SMARCAD1: variants seen among roughly 807,000 people sequenced by gnomAD.
The protein encoded by SMARCAD1 is SNF2 related chromatin remodeling ATPase with DExD box 1.
Under a neutral mutation model 127.1 loss-of-function variants are expected in SMARCAD1, and 25 were observed. That is an observed-to-expected ratio of 0.20 (90% CI 0.14 to 0.27). SMARCAD1 has a LOEUF of 0.27. Among genes scored for constraint, SMARCAD1 ranks in the 10% least tolerant of loss-of-function variants. The pLI is 1.00. For missense variants in SMARCAD1, 807 were observed against 1,206.0 expected, an observed-to-expected ratio of 0.67 and a Z score of 4.90; for synonymous variants, 400 against 396.9, an observed-to-expected ratio of 1.01 and a Z score of -0.09.
At chr4:94,228,282 AGT>A (rs1339564069) in intron 3 of SMARCAD1, among the ~76,000 whole-genome samples, 1 of 152,154 alleles carries the variant, frequency 6.6e-6, no homozygotes, top group African/African-American at 2.4e-5. Flanking sequence ...CAACTCTCAC[AGT>A]CTTTTCAGAA....
chr4:94,258,614 C>CT (rs1210155182), intron 9 of SMARCAD1, among the ~76,000 whole-genome samples: 1 of 152,104 alleles, frequency 6.6e-6, no homozygotes, highest in Non-Finnish European at 1.5e-5. Flanking sequence ...GTGCATGCCA[C>CT]TTTTTTTATT....
intron 8 of SMARCAD1, among the ~76,000 whole-genome samples, chr4:94,252,062 G>A (rs1749360987): frequency 6.6e-6 from 1 of 152,112 alleles, no homozygotes; most frequent in Admixed American, 6.5e-5. Flanking sequence ...ATGTTGGTCA[G>A]GCTGGTCTCG....
Position 94,276,324 on chromosome 4 carries a change from T to G in SMARCAD1, c.1809-15T>G. On this transcript the variant is annotated splice_polypyrimidine_tract_variant and intron_variant, in intron 14 of 23. Coordinates refer to ENST00000354268, the MANE Select transcript of SMARCAD1 (RefSeq NM_020159.5). ...AAAGGTATAACCTTAGAGATGTTTT[T>G]TCTTTTGGTGACAGATATAACTGTG... 9.9e-6 allele frequency: 16 copies of G among 1,614,034 alleles called. No homozygotes were observed. The highest frequency in any genetic ancestry group is 1.4e-5 in the Non-Finnish European group (16 of 1,179,970).
intron 10 of SMARCAD1, among the ~76,000 whole-genome samples, chr4:94,266,499 T>C (rs907829916): frequency 6.6e-6 from 1 of 152,120 alleles, no homozygotes; most frequent in Admixed American, 6.6e-5. Context: ...CCTATATGGA[T>C]AGTCTCTTTA....
In SMARCAD1 at chr4:94,260,901, A is replaced by G. The variant is rs376130325; in HGVS notation, c.1282-3806A>G. 3.9e-4 allele frequency among the ~76,000 whole-genome samples: 59 copies of G among 152,332 alleles called. 2 individuals are homozygous for G. In the South Asian group the frequency reaches 0.012, roughly 30 times the overall value. ...AAATTTTTTTAATAAATAAAAAGAC[A>G]TCAAACTTAAATGTGTAAATTGGTA... On this transcript the variant is annotated intron_variant, in intron 9 of 23. Transcript: ENST00000354268.
chr4:94,224,131 T>G (rs967308094), intron 2 of SMARCAD1, among the ~76,000 whole-genome samples: 3 of 152,192 alleles, frequency 2.0e-5, no homozygotes, highest in African/African-American at 7.2e-5. Flanking sequence ...TCTTCATGTT[T>G]ATGGCAATTA....
intron 2 of SMARCAD1, among the ~76,000 whole-genome samples, chr4:94,217,567 C>T (rs994714558): frequency 6.6e-6 from 1 of 152,100 alleles, no homozygotes; most frequent in Non-Finnish European, 1.5e-5. Context: ...TTAACATTTA[C>T]TTCTAATTTC....
intron 2 of SMARCAD1, among the ~76,000 whole-genome samples, chr4:94,223,026 T>A (rs2664880): frequency 0.55 from 83,438 of 151,880 alleles, 23,420 homozygotes; most frequent in East Asian, 0.72. Context: ...TACAGTCTGT[T>A]TAAGGGAGAA....
At chr4:94,211,322 G>A (rs1022499287) in intron 2 of SMARCAD1, among the ~76,000 whole-genome samples, 5 of 152,126 alleles carry the variant, frequency 3.3e-5, no homozygotes, top group Non-Finnish European at 7.4e-5. Context: ...GCCCCCAAGT[G>A]CTAATTTAGC....
chr4:94,219,206 T>C (rs907628334), intron 2 of SMARCAD1, among the ~76,000 whole-genome samples: 5 of 152,220 alleles, frequency 3.3e-5, no homozygotes, highest in South Asian at 2.1e-4. Context: ...TCTAAAGGAT[T>C]GAACAGTGTA....
At chr4:94,284,904 TA>T (rs777817951) in intron 22 of SMARCAD1, 55 bp from the exon 23 acceptor site, 15 of 1,017,062 alleles carry the variant, frequency 1.5e-5, no homozygotes, top group Admixed American at 3.6e-5. Flanking sequence ...ATAGTTTACA[TA>T]TATCCAAATA....
rs1755587153 is a variant in SMARCAD1, at chr4:94,290,818, C to G, written c.*1284C>G. Reference sequence around the variant, plus strand: ...ATTATAAATAAACTTATTTATAAATCAAAGATTTGTTAATTTTTGGAAATC... The same window carrying G: ...ATTATAAATAAACTTATTTATAAATGAAAGATTTGTTAATTTTTGGAAATC... On this transcript the variant is annotated 3_prime_UTR_variant, in exon 24 of 24. Transcript: ENST00000354268. 1 of 435,906 alleles carries G rather than the reference C, an allele frequency of 2.3e-6. No homozygotes were observed. The highest frequency in any genetic ancestry group is 2.5e-5 in the Admixed American group (1 of 40,248). 27.0% of individuals were successfully genotyped at this position (435,906 alleles called of 1,614,324 possible).
chr4:94,287,080 G>A (rs1342307717), intron 23 of SMARCAD1, among the ~76,000 whole-genome samples: 1 of 152,042 alleles, frequency 6.6e-6, no homozygotes, highest in African/African-American at 2.4e-5. Context: ...TAGCCAGGAT[G>A]GTCTTGATCT....
chr4:94,270,141 A>C (rs34396188), intron 10 of SMARCAD1, among the ~76,000 whole-genome samples: 47,399 of 151,300 alleles, frequency 0.31, 8,701 homozygotes, highest in East Asian at 0.51. Context: ...AGTGAGTAGA[A>C]AGTAGCATGT....
chr4:94,272,728 G>A (rs1387544595), intron 11 of SMARCAD1, among the ~76,000 whole-genome samples: 1 of 152,068 alleles, frequency 6.6e-6, no homozygotes, highest in Non-Finnish European at 1.5e-5. Context: ...GTAGTCCGTG[G>A]TATAAATACA....
At chr4:94,237,098 C>G in intron 5 of SMARCAD1, 80 bp downstream of exon 5, 3 of 1,133,986 alleles carry the variant, frequency 2.6e-6, no homozygotes, top group Non-Finnish European at 4.0e-6. Context: ...TATTGCTCCA[C>G]AGTTTATCAA....
At chr4:94,273,552 G>A in intron 11 of SMARCAD1, 65 bp from the exon 12 acceptor site, 2 of 1,188,298 alleles carry the variant, frequency 1.7e-6, no homozygotes, top group Admixed American at 3.9e-5. Context: ...TTTTTCTTCT[G>A]TATTTTTATG....
chr4:94,224,182 A>G (rs1359890848), intron 2 of SMARCAD1, among the ~76,000 whole-genome samples: 10 of 152,180 alleles, frequency 6.6e-5, no homozygotes, highest in Non-Finnish European at 1.0e-4. Context: ...TGTTTGCTCA[A>G]CTTGCATGCA....
intron 9 of SMARCAD1, among the ~76,000 whole-genome samples, chr4:94,259,659 T>C (rs1750655205): frequency 6.6e-6 from 1 of 152,198 alleles, no homozygotes. Context: ...GTACTCCCCT[T>C]CATTGCCTCC....
Sources: allele counts gnomAD v4.1 joint callset (sites outside exome capture counted in the v4.1 genomes callset), GRCh38; gene constraint gnomAD v4.1.1; transcripts MANE v1.5; gene names NCBI Gene and HGNC (gene_info 2026-07-23, HGNC 2026-07-21).